The following AMPH variants were observed in gnomAD, a reference collection of about 807,000 sequenced individuals.
AMPH encodes the protein amphiphysin (Stiff-Mann syndrome with breast cancer 128kD autoantigen).
A neutral mutation model predicts 99.1 loss-of-function variants in AMPH; 49 were observed. The ratio of observed to expected loss-of-function variants is 0.49; its 90% CI spans 0.39 to 0.63. The LOEUF is 0.63. AMPH is among the 20% of genes least tolerant of loss of function. AMPH has a pLI of 0.00. For synonymous variants in AMPH, 314 were observed against 317.3 expected, an observed-to-expected ratio of 0.99 and a Z score of 0.11; for missense variants, 759 against 863.4, an observed-to-expected ratio of 0.88 and a Z score of 1.52.
chr7:38,465,414 A>C (rs722335), intron 9 of AMPH, 53 bp downstream of exon 9: 446,448 of 1,484,362 alleles, frequency 0.3, 71,788 homozygotes, highest in East Asian at 0.52. Flanking sequence ...CCACAGATTG[A>C]AGAAATTTTA....
chr7:38,487,348 G>A (rs940957225), intron 5 of AMPH, among the ~76,000 whole-genome samples: 1 of 152,074 alleles, frequency 6.6e-6, no homozygotes, highest in African/African-American at 2.4e-5. Flanking sequence ...GAACAGAACA[G>A]AGGCCTCAGA....
intron 5 of AMPH, among the ~76,000 whole-genome samples, chr7:38,483,893 C>T (rs764036650): frequency 4.6e-5 from 7 of 151,782 alleles, no homozygotes; most frequent in Admixed American, 6.6e-5. Flanking sequence ...ATAATGTATC[C>T]GCAAAGTGAG....
intron 3 of AMPH, among the ~76,000 whole-genome samples, chr7:38,496,538 G>A (rs938714902): frequency 4.6e-5 from 7 of 152,136 alleles, no homozygotes; most frequent in African/African-American, 1.4e-4. Context: ...ATGAAACAGA[G>A]TCGTGCAGGT....
intron 11 of AMPH, among the ~76,000 whole-genome samples, chr7:38,437,567 G>A (rs1786316226): frequency 6.8e-6 from 1 of 147,478 alleles, no homozygotes; most frequent in South Asian, 2.1e-4. Context: ...AGATCAGGAG[G>A]TGAAGAGATT....
At chr7:38,469,493 C>A (rs971587492) in intron 7 of AMPH, among the ~76,000 whole-genome samples, 3 of 152,180 alleles carry the variant, frequency 2.0e-5, no homozygotes, top group Non-Finnish European at 4.4e-5. Context: ...GTGCTTCCTG[C>A]AGACCCTCTT....
chr7:38,521,504 G>C (rs1789961711), intron 2 of AMPH, among the ~76,000 whole-genome samples: 1 of 152,188 alleles, frequency 6.6e-6, no homozygotes, highest in African/African-American at 2.4e-5. Flanking sequence ...CTGGGTGACA[G>C]AGCAAGACTC....
In AMPH at chr7:38,452,111, G is replaced by T. The variant is rs959388534; in HGVS notation, c.1017+9172C>A. On this transcript the variant is annotated intron_variant, in intron 11 of 20. Coordinates refer to ENST00000356264, the MANE Select transcript of AMPH (RefSeq NM_001635.4). ...ATCACCGTGATGGTGCTTGGTGGAG[G>T]AGACAAACAAATCCATCTGAGACTG... 5.4e-4 allele frequency among the ~76,000 whole-genome samples: 82 copies of T among 152,170 alleles called. 1 individual carries two copies. Among genetic ancestry groups the T allele is most frequent in the Non-Finnish European group, 1.6e-4 (11 of 68,040 alleles).
At chr7:38,571,643 GTGTT>G (rs560444625) in intron 1 of AMPH, among the ~76,000 whole-genome samples, 53 of 147,604 alleles carry the variant, frequency 3.6e-4, no homozygotes, top group Middle Eastern at 7.3e-3. Context: ...GGTGTACAAT[GTGTT>G]TGTTTGGAGC....
At chr7:38,514,591 T>G (rs891169148) in intron 2 of AMPH, among the ~76,000 whole-genome samples, 1 of 152,154 alleles carries the variant, frequency 6.6e-6, no homozygotes, top group Non-Finnish European at 1.5e-5. Flanking sequence ...ATGAATGGAT[T>G]AATGCCATTA....
At chr7:38,566,818 GC>G (rs2129050621) in intron 1 of AMPH, among the ~76,000 whole-genome samples, 1 of 152,292 alleles carries the variant, frequency 6.6e-6, no homozygotes, top group African/African-American at 2.4e-5. Context: ...TCAGAGAAAT[GC>G]AAATCAAAAC....
chr7:38,417,020 C>A (rs934098168), intron 17 of AMPH, among the ~76,000 whole-genome samples: 1 of 152,068 alleles, frequency 6.6e-6, no homozygotes, highest in Non-Finnish European at 1.5e-5. Context: ...ATTGTTTTTC[C>A]TATTTGTACA....
intron 17 of AMPH, among the ~76,000 whole-genome samples, chr7:38,414,967 A>G (rs1213711342): frequency 6.6e-6 from 1 of 152,122 alleles, no homozygotes; most frequent in African/African-American, 2.4e-5. Flanking sequence ...CCTGGCCCCA[A>G]ATCATTTTTT....
intron 1 of AMPH, among the ~76,000 whole-genome samples, chr7:38,565,723 T>A (rs1173193834): frequency 1.3e-5 from 2 of 150,884 alleles, no homozygotes; most frequent in African/African-American, 4.9e-5. Flanking sequence ...GGTGGGGAGG[T>A]CACAATTCCC....
chr7:38,575,166 G>A (rs974452451), intron 1 of AMPH, among the ~76,000 whole-genome samples: 3 of 151,086 alleles, frequency 2.0e-5, no homozygotes, highest in Non-Finnish European at 2.9e-5. Context: ...GAACAAATAC[G>A]TACTTTCAAC....
chr7:38,432,166 A>T, intron 13 of AMPH, 23 bp downstream of exon 13: 1 of 1,607,700 alleles, frequency 6.2e-7, no homozygotes, highest in Non-Finnish European at 8.5e-7. Context: ...ATACATGAAA[A>T]AACAGAGTTA....
At chr7:38,525,618 C>T (rs1035453912) in intron 2 of AMPH, among the ~76,000 whole-genome samples, 1 of 152,054 alleles carries the variant, frequency 6.6e-6, no homozygotes, top group Non-Finnish European at 1.5e-5. Context: ...CCCCCTCACT[C>T]ACTCTTGGCA....
chr7:38,621,605 G>A (rs921147678), intron 1 of AMPH, among the ~76,000 whole-genome samples: 9 of 151,962 alleles, frequency 5.9e-5, no homozygotes, highest in Admixed American at 1.3e-4. Flanking sequence ...CGTAAAGATA[G>A]GGAAAAATCA....
rs73348825 is a variant in AMPH at position 38,394,163 on chromosome 7, C to A, written c.1450G>T (p.Ala484Ser). ...GCTTCCTCTCCTGGGGCCCCCTCAG[C>A]TGCTGACACCAAGGTTCCAACAGCT... ...DAAVGTLVSA[A>S]EGAPGEEAEA... Residue 484 changes from alanine to serine, a missense_variant, in exon 18 of 21, where the codon GCT becomes TCT. Coordinates refer to ENST00000356264, the MANE Select transcript of AMPH (RefSeq NM_001635.4). 1.1e-3 allele frequency: 1,793 copies of A among 1,614,242 alleles called. 21 individuals carry two copies. In the African/African-American group the frequency reaches 0.021, roughly 19 times the overall value.
At chr7:38,426,097 C>CT (rs1785774242) in intron 15 of AMPH, among the ~76,000 whole-genome samples, 1 of 152,024 alleles carries the variant, frequency 6.6e-6, no homozygotes, top group Admixed American at 6.5e-5. Flanking sequence ...ATAATGAAAC[C>CT]TTTAAATACA....
Sources: allele counts gnomAD v4.1 joint callset (sites outside exome capture counted in the v4.1 genomes callset), GRCh38; gene constraint gnomAD v4.1.1; transcripts MANE v1.5; gene names NCBI Gene and HGNC (gene_info 2026-07-23, HGNC 2026-07-21).